The following POP1 variants were observed in gnomAD, a reference collection of about 807,000 sequenced individuals.
POP1 encodes POP1 ribonuclease P/MRP subunit, also known as ribonucleases P/MRP protein subunit POP1.
POP1 carries 75 observed loss-of-function variants against 102.2 expected under a neutral mutation model. That is an observed-to-expected ratio of 0.73 (90% CI 0.61 to 0.89). The LOEUF is 0.89. POP1 is among the 40% of genes least tolerant of loss of function. The probability of loss-of-function intolerance (pLI) is 0.00; values close to 1 mark genes in which losing one functional copy is unlikely to be tolerated. For synonymous variants in POP1, 436 were observed against 464.1 expected (o/e 0.94, Z 0.78); for missense variants, 1,116 against 1,267.4 (o/e 0.88, Z 1.81).
intron 15 of POP1, 32 bp downstream of exon 15, chr8:98,156,444 G>T: frequency 6.2e-7 from 1 of 1,612,280 alleles, no homozygotes; most frequent in South Asian, 1.1e-5. Context: ...GTACATTTTG[G>T]ATTATTTATT....
chr8:98,121,430 G>A (rs1816016287), intron 1 of POP1, among the ~76,000 whole-genome samples: 1 of 151,968 alleles, frequency 6.6e-6, no homozygotes, highest in African/African-American at 2.4e-5. Flanking sequence ...GCAGGGACCA[G>A]GGATATTAGA....
At position 98,159,642 on chromosome 8, in the gene POP1, G is replaced by C. The variant is rs1044647058; in HGVS notation, c.*1371G>C. ...TAGCATTTGGCACTAAATGGCTTTG[G>C]GGGTGATGAGGTGGGGAAGGATACA... On this transcript the variant is annotated 3_prime_UTR_variant, in exon 16 of 16. Coordinates refer to ENST00000401707, the MANE Select transcript of POP1 (RefSeq NM_001145860.2). 3 of 151,994 alleles carry C rather than the reference G, an allele frequency of 2.0e-5. No individual in the cohort carries two copies. The highest frequency in any genetic ancestry group is 7.3e-5 in the African/African-American group (3 of 41,366). The allele number at this position is 151,994 out of a possible 1,614,324, so 9.4% of individuals were successfully genotyped here.
intron 13 of POP1, 138 bp downstream of exon 13, chr8:98,149,144 C>CTGCTT (rs1397003848): frequency 1.2e-6 from 1 of 825,978 alleles, no homozygotes; most frequent in African/African-American, 1.7e-5. Flanking sequence ...GAGCTATAGT[C>CTGCTT]CTGGATACAA....
intron 11 of POP1, 150 bp from the exon 12 acceptor site, chr8:98,146,418 T>C (rs987818341): frequency 3.3e-5 from 23 of 692,912 alleles, no homozygotes; most frequent in Non-Finnish European, 5.5e-5. Flanking sequence ...ACTATAAGAA[T>C]AACTTAATTT....
intron 2 of POP1, among the ~76,000 whole-genome samples, chr8:98,127,353 G>T (rs1056679193): frequency 6.6e-6 from 1 of 152,032 alleles, no homozygotes; most frequent in Non-Finnish European, 1.5e-5. Context: ...TATATCCAAG[G>T]TCCTTTATAT....
chr8:98,143,265 A>G (rs971256677), intron 11 of POP1, among the ~76,000 whole-genome samples: 2 of 152,134 alleles, frequency 1.3e-5, no homozygotes, highest in African/African-American at 4.8e-5. Flanking sequence ...TCAGCTGGGG[A>G]TATTCTTTTT....
At position 98,123,464 on chromosome 8, in the gene POP1, C is replaced by T; in HGVS notation, c.127C>T (p.Gln43Ter). ...CCACAGTGGAGGTGAAAAACCTTTC[C>T]AAGCTCAAAAACAAGGTAAAATACA... Reference protein sequence around the residue: ...KHHSGGEKPFQAQKQEPHPGT... With the variant: ...KHHSGGEKPF The change falls in exon 2 of 16, where the codon CAA becomes TAA. Residue 43 changes from glutamine (Q) to a stop codon, truncating the protein, a stop_gained. Transcript: ENST00000401707. LOFTEE classifies it high-confidence loss of function. The T allele has an allele frequency of 6.2e-7, 1 of 1,613,784 alleles. No homozygotes were observed. The highest frequency in any genetic ancestry group is 1.1e-5 in the South Asian group (1 of 91,074).
At position 98,148,905 on chromosome 8, in the gene POP1, C is replaced by T. The variant is rs764959366; in HGVS notation, c.1801C>T (p.Gln601Ter). 3 of 1,613,844 alleles carry T rather than the reference C, an allele frequency of 1.9e-6. No homozygotes were observed. The highest frequency in any genetic ancestry group is 1.7e-6 in the Non-Finnish European group (2 of 1,179,884). The change falls in exon 13 of 16, where the codon CAG becomes TAG. Residue 601 changes from glutamine to a stop codon, truncating the protein, a stop_gained. Coordinates refer to ENST00000401707, the MANE Select transcript of POP1 (RefSeq NM_001145860.2). LOFTEE classifies it high-confidence loss of function. The stretch of plus-strand genomic sequence containing the variant: ...ATCCAAGATACCTATACTTTTGATT[C>T]AGCAGCCAGGAAAAGTGACTGGTGA... ...HESKIPILLI[Q>*]QPGKVTGEDR... is the part of the protein sequence containing the mutation.
intron 15 of POP1, among the ~76,000 whole-genome samples, chr8:98,157,135 C>T (rs1809673235): frequency 6.6e-6 from 1 of 152,138 alleles, no homozygotes; most frequent in African/African-American, 2.4e-5. Flanking sequence ...CCTCAGCCTC[C>T]CAAAGTGCTA....
intron 1 of POP1, among the ~76,000 whole-genome samples, chr8:98,120,511 G>A (rs914402124): frequency 6.6e-6 from 1 of 152,088 alleles, no homozygotes; most frequent in Non-Finnish European, 1.5e-5. Flanking sequence ...TCACTCTATC[G>A]CCCAGGCTGG....
rs1816563389 is a variant in POP1 at position 98,136,914 on chromosome 8, C to T, written c.1322C>T (p.Ser441Phe). Reference sequence around the variant, plus strand: ...CGGCTGATTGGGCCACTTTCCCACTCCATCCTAACTGAAGCAATAAAAGCT... The same window carrying T: ...CGGCTGATTGGGCCACTTTCCCACTTCATCCTAACTGAAGCAATAAAAGCT... ...RFRLIGPLSHSILTEAIKAAS... is the reference protein window; with the variant it reads ...RFRLIGPLSHFILTEAIKAAS... The change falls in exon 9 of 16, where the codon TCC becomes TTC. Residue 441 changes from serine (S) to phenylalanine (F), a missense_variant. Ser to Phe is a radical substitution (Grantham distance 155). Coordinates refer to ENST00000401707, the MANE Select transcript of POP1 (RefSeq NM_001145860.2). 1.9e-6 allele frequency: 3 copies of T among 1,613,478 alleles called. No homozygotes were observed. Among genetic ancestry groups the T allele is most frequent in the East Asian group, 4.5e-5 (2 of 44,880 alleles).
chr8:98,138,679 C>T (rs1816616982), intron 9 of POP1, among the ~76,000 whole-genome samples: 1 of 152,102 alleles, frequency 6.6e-6, no homozygotes, highest in African/African-American at 2.4e-5. Flanking sequence ...TTCACTCTCT[C>T]CCCAGTGCTT....
chr8:98,141,857 C>T (rs1407886062), intron 11 of POP1, among the ~76,000 whole-genome samples: 5 of 151,638 alleles, frequency 3.3e-5, no homozygotes, highest in Non-Finnish European at 7.4e-5. Flanking sequence ...CATGAACCAC[C>T]ACGCCTGGCC....
In POP1 at chr8:98,148,926, G is replaced by C; in HGVS notation, c.1822G>C (p.Gly608Arg). Residue 608 changes from glycine (G) to arginine (R), a missense_variant, in exon 13 of 16, where the codon GGT becomes CGT. Physicochemically the swap from Gly to Arg is moderately radical, Grantham distance 125 (BLOSUM62 -2). Transcript: ENST00000401707. ...GATTCAGCAGCCAGGAAAAGTGACT[G>C]GTGAAGATCGACTAGGCTGGGGAAG... Reference protein sequence around the residue: ...LLIQQPGKVTGEDRLGWGSGW... With the variant: ...LLIQQPGKVTREDRLGWGSGW... 1 of 1,613,944 alleles carries C rather than the reference G, an allele frequency of 6.2e-7. No homozygotes were observed.
intron 15 of POP1, 22 bp from the exon 16 acceptor site, chr8:98,157,595 G>T (rs372237922): frequency 6.2e-7 from 1 of 1,613,310 alleles, no homozygotes; most frequent in East Asian, 2.2e-5. Context: ...ATCCTCAAAC[G>T]TATGTCTCCA....
rs189205875 is a variant in POP1 at position 98,151,664 on chromosome 8, T to C, written c.2057+1025T>C. On this transcript the variant is annotated intron_variant, in intron 14 of 15. Coordinates refer to ENST00000401707, the MANE Select transcript of POP1 (RefSeq NM_001145860.2). Reference sequence around the variant, plus strand: ...ATATTGTAGTTCCTTGATGGTGAGCTTCATGAGGGCAGAATTGTGTTTTCT... The same window carrying C: ...ATATTGTAGTTCCTTGATGGTGAGCCTCATGAGGGCAGAATTGTGTTTTCT... 1.7e-3 allele frequency among the ~76,000 whole-genome samples: 253 copies of C among 152,154 alleles called. 1 individual carries two copies. Among genetic ancestry groups the C allele is most frequent in the Middle Eastern group, 3.4e-3 (1 of 292 alleles).
intron 7 of POP1, among the ~76,000 whole-genome samples, chr8:98,135,007 G>T (rs1394889578): frequency 6.6e-6 from 1 of 152,138 alleles, no homozygotes; most frequent in Non-Finnish European, 1.5e-5. Flanking sequence ...GCGGGGCATG[G>T]TTTCTCATGC....
chr8:98,129,234 C>T (rs1467081277), intron 4 of POP1, among the ~76,000 whole-genome samples: 3 of 152,188 alleles, frequency 2.0e-5, no homozygotes, highest in Non-Finnish European at 4.4e-5. Context: ...TTAGCATTTG[C>T]TTTCTGACTT....
intron 9 of POP1, among the ~76,000 whole-genome samples, chr8:98,139,164 T>C (rs1586240505): frequency 6.6e-6 from 1 of 152,174 alleles, no homozygotes; most frequent in Non-Finnish European, 1.5e-5. Context: ...ATTGCTTCTT[T>C]AGGATCCGTA....
Sources: allele counts gnomAD v4.1 joint callset (sites outside exome capture counted in the v4.1 genomes callset), GRCh38; gene constraint gnomAD v4.1.1; transcripts MANE v1.5; gene names NCBI Gene and HGNC (gene_info 2026-07-23, HGNC 2026-07-21).